KIF3C: variants seen among roughly 807,000 people sequenced by gnomAD.
KIF3C encodes the protein kinesin-like protein KIF3C.
KIF3C carries 12 observed loss-of-function variants against 67.7 expected under a neutral mutation model. The observed-to-expected ratio is 0.18, with a 90% CI of 0.11 to 0.29. The LOEUF (loss-of-function observed/expected upper bound fraction) is 0.29, where lower values mean the gene tolerates loss of function less well. Among genes scored for constraint, KIF3C ranks in the 10% least tolerant of loss-of-function variants. The pLI, the probability that KIF3C is intolerant of heterozygous loss-of-function variation, is 1.00. For missense variants in KIF3C, 789 were observed against 1,059.6 expected (o/e 0.74, Z 3.55); for synonymous variants, 393 against 426.2 (o/e 0.92, Z 0.96).
chr2:25,940,814 G>A (rs114156042), intron 5 of KIF3C, among the ~76,000 whole-genome samples: 2,097 of 151,526 alleles, frequency 0.014, 20 homozygotes, highest in Middle Eastern at 0.034. Context: ...TACCACACGC[G>A]GCTAGTTTTT....
At chr2:25,934,388 G>C (rs116073976) in intron 5 of KIF3C, among the ~76,000 whole-genome samples, 196 of 151,984 alleles carry the variant, frequency 1.3e-3, no homozygotes, top group African/African-American at 4.6e-3. Flanking sequence ...AGACCAGCGT[G>C]ACCAACATGG....
At chr2:25,954,606 T>C (rs974865928) in intron 3 of KIF3C, among the ~76,000 whole-genome samples, 8 of 152,204 alleles carry the variant, frequency 5.3e-5, no homozygotes, top group Admixed American at 2.0e-4. Context: ...CTGTGACCAT[T>C]GTCTGCTCTT....
chr2:25,940,650 C>T (rs370110026), intron 5 of KIF3C, among the ~76,000 whole-genome samples: 55 of 74,142 alleles, frequency 7.4e-4, no homozygotes, highest in Non-Finnish European at 8.4e-4. Flanking sequence ...TCAGAATGTT[C>T]TTTTTTTTTT....
At chr2:25,943,419 C>T (rs915265680) in intron 5 of KIF3C, among the ~76,000 whole-genome samples, 6 of 152,204 alleles carry the variant, frequency 3.9e-5, no homozygotes, top group Non-Finnish European at 7.3e-5. Context: ...CTACTGTGCC[C>T]CACCAGACTC....
At chr2:25,970,223 C>T (rs1446011601) in intron 1 of KIF3C, among the ~76,000 whole-genome samples, 1 of 152,164 alleles carries the variant, frequency 6.6e-6, no homozygotes, top group Non-Finnish European at 1.5e-5. Context: ...TGGAGTCAGG[C>T]AGACATGGGC....
intron 1 of KIF3C, among the ~76,000 whole-genome samples, chr2:25,971,932 G>A (rs1276307965): frequency 9.6e-6 from 1 of 104,470 alleles, no homozygotes; most frequent in East Asian, 3.2e-4. Flanking sequence ...TGGCTTTGTT[G>A]TCCAGTCTGG....
rs1243952444 is a variant in KIF3C at position 25,951,909 on chromosome 2, G to A, written c.1890-4C>T. On this transcript the variant is annotated splice_polypyrimidine_tract_variant and splice_region_variant and intron_variant, in intron 4 of 7. Coordinates refer to ENST00000264712, the MANE Select transcript of KIF3C (RefSeq NM_002254.8). ...GAAGTTCTCGATGATTAGGTACCTGGGAGCAGGAATGAAGGAGTGATGGGA... is the reference window on the plus strand; with the variant it reads ...GAAGTTCTCGATGATTAGGTACCTGAGAGCAGGAATGAAGGAGTGATGGGA... The A allele has an allele frequency of 6.2e-7, 1 of 1,600,056 alleles. No individual in the cohort carries two copies. The highest frequency in any genetic ancestry group is 8.6e-7 in the Non-Finnish European group (1 of 1,167,424).
chr2:25,965,319 C>T (rs1664111594), intron 1 of KIF3C, among the ~76,000 whole-genome samples: 1 of 152,170 alleles, frequency 6.6e-6, no homozygotes, highest in Non-Finnish European at 1.5e-5. Context: ...CCCAGTCTCA[C>T]CCCAAGCTGT....
intron 4 of KIF3C, among the ~76,000 whole-genome samples, chr2:25,953,508 C>T (rs10168784): frequency 0.19 from 28,413 of 150,022 alleles, 5,242 homozygotes; most frequent in East Asian, 0.88. Context: ...CTACAGGCGC[C>T]CGCCACCACT....
At chr2:25,963,420 C>A (rs1343318925) in intron 1 of KIF3C, among the ~76,000 whole-genome samples, 1 of 149,022 alleles carries the variant, frequency 6.7e-6, no homozygotes, top group African/African-American at 2.5e-5. Flanking sequence ...GTTGCCCAGG[C>A]TGGCTCAAGG....
At chr2:25,935,553 G>A (rs993175630) in intron 5 of KIF3C, among the ~76,000 whole-genome samples, 1 of 151,824 alleles carries the variant, frequency 6.6e-6, no homozygotes, top group African/African-American at 2.4e-5. Context: ...TTTTTGACAG[G>A]GTCTCACTCT....
intron 5 of KIF3C, among the ~76,000 whole-genome samples, chr2:25,936,094 A>AAAAAC (rs1168481180): frequency 3.3e-5 from 5 of 150,808 alleles, no homozygotes; most frequent in African/African-American, 1.2e-4. Flanking sequence ...CTCAAAAAAA[A>AAAAAC]AAAACAAAAC....
chr2:25,946,750 A>T (rs1475355991), intron 5 of KIF3C, among the ~76,000 whole-genome samples: 16 of 152,010 alleles, frequency 1.1e-4, no homozygotes, highest in Non-Finnish European at 2.4e-4. Context: ...GCTACTCGGG[A>T]GGCTGAAGCT....
In KIF3C at chr2:25,954,310, G is replaced by A; in HGVS notation, c.1846C>T (p.Leu616=). 1 of 1,614,130 alleles carries A rather than the reference G, an allele frequency of 6.2e-7. No homozygotes were observed. The highest frequency in any genetic ancestry group is 8.5e-7 in the Non-Finnish European group (1 of 1,180,020). ...GTCTGCTCGTTCTGCGCCTCCTCCA[G>A]GTCCTGCCGCACGCGGATATACTCA... is the stretch of plus-strand genomic sequence containing the variant. ...HDEYIRVRQD[L]EEAQNEQTRE... Residue 616 remains leucine, a synonymous_variant, in exon 4 of 8, where the codon CTG becomes TTG. Transcript: ENST00000264712.
At chr2:25,937,610 C>T (rs753076489) in intron 5 of KIF3C, among the ~76,000 whole-genome samples, 3 of 152,314 alleles carry the variant, frequency 2.0e-5, no homozygotes, top group Non-Finnish European at 4.4e-5. Flanking sequence ...CAACGTGCTT[C>T]TACACAGTTC....
At chr2:25,959,236 C>A (rs1363742800) in intron 1 of KIF3C, among the ~76,000 whole-genome samples, 2 of 152,182 alleles carry the variant, frequency 1.3e-5, no homozygotes, top group Non-Finnish European at 2.9e-5. Context: ...TGAAATTGCT[C>A]TTTCGGGCCC....
rs1194053115 is a variant in KIF3C, at chr2:25,951,849, C to T, written c.1946G>A (p.Arg649Gln). 10 of 1,613,942 alleles carry T rather than the reference C, an allele frequency of 6.2e-6. No individual in the cohort carries two copies. Among genetic ancestry groups the T allele is most frequent in the East Asian group, 2.2e-5 (1 of 44,878 alleles). The part of the protein sequence containing the change: ...PPEEKNKIMN[R>Q]LFLDCEEEQW... ...CTCCTCCTCACAGTCCAGGAAAAGCCGGTTCATGATCTTGTTCTTCTCCTC... is the reference window on the plus strand; with the variant it reads ...CTCCTCCTCACAGTCCAGGAAAAGCTGGTTCATGATCTTGTTCTTCTCCTC... The change falls in exon 5 of 8, where the codon CGG becomes CAG. Residue 649 changes from arginine to glutamine, a missense_variant. Coordinates refer to ENST00000264712, the MANE Select transcript of KIF3C (RefSeq NM_002254.8).
rs759356215 is a variant in KIF3C at position 25,980,929 on chromosome 2, A to T, written c.989T>A (p.Leu330Gln). 6.2e-7 allele frequency: 1 copy of T among 1,614,064 alleles called. No individual in the cohort carries two copies. The highest frequency in any genetic ancestry group is 1.7e-5 in the Admixed American group (1 of 60,012). ...SKLTRLLQDS[L>Q]GGNAKTIMVA... ...CATGATGGTCTTGGCATTCCCCCCC[A>T]GGGAGTCCTGGAGCAGCCGGGTCAG... Residue 330 changes from leucine to glutamine, a missense_variant, in exon 1 of 8, where the codon CTG becomes CAG. By Grantham distance (113) the Leu-to-Gln change is moderately radical. This residue lies in a region of KIF3C where 648 missense variants were observed against 807.8 expected (regional missense o/e 0.80). Coordinates refer to ENST00000264712, the MANE Select transcript of KIF3C (RefSeq NM_002254.8). This position sits in a 1 kb window ranked among gnomAD's most constrained non-coding sequence, Gnocchi z 7.6.
chr2:25,929,677 G>A (rs1038702166), intron 6 of KIF3C, among the ~76,000 whole-genome samples, 200 bp from the exon 7 acceptor site: 1 of 151,452 alleles, frequency 6.6e-6, no homozygotes, highest in Non-Finnish European at 1.5e-5. Context: ...GTGCAGTGGT[G>A]CAATCTCGGC....
Sources: allele counts gnomAD v4.1 joint callset (sites outside exome capture counted in the v4.1 genomes callset), GRCh38; gene constraint gnomAD v4.1.1; regional missense constraint gnomAD v4.1.1; non-coding constraint Gnocchi (gnomAD v3.1); transcripts MANE v1.5; gene names NCBI Gene and HGNC (gene_info 2026-07-23, HGNC 2026-07-21).